Variants in IRAG2 observed in about 807,000 individuals in gnomAD.
IRAG2 encodes the protein inositol 1,4,5-triphosphate receptor associated 2.
A neutral mutation model predicts 69.9 loss-of-function variants in IRAG2; 45 were observed. The ratio of observed to expected loss-of-function variants is 0.64; its 90% CI spans 0.51 to 0.83. The LOEUF (loss-of-function observed/expected upper bound fraction) is 0.83, where lower values mean the gene tolerates loss of function less well. Ranked by LOEUF, IRAG2 falls within the 40% of genes least tolerant of loss-of-function variation. The pLI, the probability that IRAG2 is intolerant of heterozygous loss-of-function variation, is 0.00. For missense variants in IRAG2, 520 were observed against 587.0 expected, an observed-to-expected ratio of 0.89 and a Z score of 1.18; for synonymous variants, 193 against 202.4, an observed-to-expected ratio of 0.95 and a Z score of 0.40.
At position 25,043,613 on chromosome 12, in the gene IRAG2, G is replaced by C. The variant is rs150416217; in HGVS notation, c.2144+5476G>C. Among the ~76,000 whole-genome samples the C allele has an allele frequency of 3.0e-3, 450 of 152,064 alleles. 1 individual carries two copies. The highest frequency in any genetic ancestry group is 4.2e-3 in the South Asian group (20 of 4,804). ...AATTGGCTTCTGTCTTACCTGTCTC[G>C]GAGTACTATGAGATGCATCATGCTC... On this transcript the variant is annotated intron_variant, in intron 16 of 38. Transcript: ENST00000636465.
intron 2 of IRAG2, among the ~76,000 whole-genome samples, chr12:25,009,151 T>A (rs1944455429): frequency 6.6e-6 from 1 of 151,922 alleles, no homozygotes; most frequent in Non-Finnish European, 1.5e-5. Flanking sequence ...AAAAATATTT[T>A]AAAAATTAGC....
chr12:25,067,070 A>G (rs1377166200), intron 5 of IRAG2, among the ~76,000 whole-genome samples: 1 of 152,202 alleles, frequency 6.6e-6, no homozygotes, highest in Non-Finnish European at 1.5e-5. Context: ...ACTACCTAAA[A>G]TGTTTCCACT....
chr12:25,108,296 T>C lies in IRAG2; in HGVS notation c.*236T>C. 1.8e-6 allele frequency: 1 copy of C among 548,772 alleles called. No homozygotes were observed. Among genetic ancestry groups the C allele is most frequent in the Non-Finnish European group, 3.1e-6 (1 of 322,392 alleles). The allele number at this position is 548,772 out of a possible 1,614,324, so 34.0% of individuals were successfully genotyped here. On this transcript the variant is annotated 3_prime_UTR_variant, in exon 22 of 22. Coordinates refer to ENST00000556887, the MANE Select transcript of IRAG2 (RefSeq NM_001366544.2). ...TAAGGAAGAAATATTATATATTGTT[T>C]GTTAAAGTTTATTGAAATAAAGAAT...
intron 6 of IRAG2, among the ~76,000 whole-genome samples, chr12:25,078,631 C>T (rs538791329): frequency 1.3e-5 from 2 of 152,242 alleles, no homozygotes; most frequent in South Asian, 2.1e-4. Context: ...CCTAAAGTTA[C>T]CCCCAAAATA....
the IRAG2 span, among the ~76,000 whole-genome samples, chr12:24,998,719 T>G: frequency 6.6e-6 from 1 of 152,206 alleles, no homozygotes; most frequent in Non-Finnish European, 1.5e-5. Flanking sequence ...TTAAGGATTT[T>G]GCATTAATTA....
chr12:25,099,652 G>A (rs1948629242), intron 15 of IRAG2, among the ~76,000 whole-genome samples: 1 of 152,056 alleles, frequency 6.6e-6, no homozygotes, highest in Non-Finnish European at 1.5e-5. Context: ...TTTTGGTTCA[G>A]CGTCCTAAAG....
rs182743375 is a variant in IRAG2 at position 25,085,020 on chromosome 12, C to T, written c.315+1527C>T. Among the ~76,000 whole-genome samples, 19 of 152,362 alleles carry T rather than the reference C, an allele frequency of 1.2e-4. No individual in the cohort carries two copies. The South Asian group carries it at 1.7e-3, about 13-fold the overall frequency. ...CAGCAGCTGCAGAGGCCAGGGCAAG[C>T]GCTTTTGGGCTCTGCCCCCTGGCAG... On this transcript the variant is annotated intron_variant, in intron 10 of 21. Coordinates refer to ENST00000556887, the MANE Select transcript of IRAG2 (RefSeq NM_001366544.2).
chr12:25,031,489 T>A (rs529257722), intron 10 of IRAG2, among the ~76,000 whole-genome samples: 5 of 152,216 alleles, frequency 3.3e-5, no homozygotes, highest in Non-Finnish European at 7.3e-5. Flanking sequence ...CTTTATTTCA[T>A]TGGTCACTTG....
intron 9 of IRAG2, among the ~76,000 whole-genome samples, chr12:25,029,263 G>A (rs1482668391): frequency 6.6e-6 from 1 of 152,138 alleles, no homozygotes; most frequent in Non-Finnish European, 1.5e-5. Flanking sequence ...TCTACACTAG[G>A]AGTGGCTGTC....
intron 6 of IRAG2, among the ~76,000 whole-genome samples, chr12:25,069,693 A>C (rs1946202759): frequency 6.6e-6 from 1 of 152,304 alleles, no homozygotes; most frequent in East Asian, 1.9e-4. Context: ...AGAGATTTCA[A>C]TGAAGTGAGC....
intron 11 of IRAG2, among the ~76,000 whole-genome samples, chr12:25,088,909 T>TA (rs1013974407): frequency 4.6e-5 from 7 of 151,626 alleles, no homozygotes; most frequent in Admixed American, 2.6e-4. Context: ...GTTACTATTA[T>TA]AAAAAAATCA....
At chr12:25,010,819 G>A (rs953165118) in intron 2 of IRAG2, among the ~76,000 whole-genome samples, 1 of 152,058 alleles carries the variant, frequency 6.6e-6, no homozygotes, top group African/African-American at 2.4e-5. Context: ...AAAAAGATTG[G>A]TGTGTCAATG....
intron 10 of IRAG2, among the ~76,000 whole-genome samples, chr12:25,085,223 G>A (rs893602002): frequency 6.6e-6 from 1 of 152,256 alleles, no homozygotes; most frequent in African/African-American, 2.4e-5. Context: ...GTCGCTCAGT[G>A]TCCCAAAAGA....
At chr12:25,007,538 T>C (rs1944441879) in intron 2 of IRAG2, among the ~76,000 whole-genome samples, 2 of 152,208 alleles carry the variant, frequency 1.3e-5, no homozygotes, top group Non-Finnish European at 2.9e-5. Flanking sequence ...ATTGATTGAT[T>C]GAGACAGAGT....
At chr12:25,053,131 T>C (rs1591945424) in intron 1 of IRAG2, among the ~76,000 whole-genome samples, 175 bp downstream of exon 1, 1 of 152,234 alleles carries the variant, frequency 6.6e-6, no homozygotes, top group Non-Finnish European at 1.5e-5. Flanking sequence ...AGTGGCTAGG[T>C]GCATGCATGG....
In IRAG2 at chr12:25,023,845, T is replaced by C. The variant is rs561767942; in HGVS notation, c.1333-26T>C. 7 of 1,159,396 alleles carry C rather than the reference T, an allele frequency of 6.0e-6. No homozygotes were observed. The African/African-American group carries it at 7.9e-5, about 13-fold the overall frequency. The allele number at this position is 1,159,396 out of a possible 1,614,324, so 71.8% of individuals were successfully genotyped here. The stretch of plus-strand genomic sequence containing the variant: ...TTTCATAAACATCTTAAATATATTT[T>C]AATTATTTTTCTCACAATGAATTAG... On this transcript the variant is annotated intron_variant, in intron 7 of 38. Transcript: ENST00000636465.
chr12:25,036,023 T>C (rs1944699642), intron 14 of IRAG2, among the ~76,000 whole-genome samples: 1 of 152,202 alleles, frequency 6.6e-6, no homozygotes, highest in African/African-American at 2.4e-5. Flanking sequence ...AGGTTATTTT[T>C]TCCTGTGAGC....
At chr12:25,077,285 TG>T in intron 6 of IRAG2, among the ~76,000 whole-genome samples, 1 of 47,044 alleles carries the variant, frequency 2.1e-5, no homozygotes, top group Non-Finnish European at 4.5e-5. Flanking sequence ...GAAATATATA[TG>T]ATATATATAT....
chr12:25,013,883 T>C (rs1944498909), intron 3 of IRAG2, among the ~76,000 whole-genome samples: 1 of 132,516 alleles, frequency 7.5e-6, no homozygotes, highest in African/African-American at 2.8e-5. Context: ...TTTTTTTTTT[T>C]TTTTTTTTTG....
Sources: allele counts gnomAD v4.1 joint callset (sites outside exome capture counted in the v4.1 genomes callset), GRCh38; gene constraint gnomAD v4.1.1; transcripts MANE v1.5; gene names NCBI Gene and HGNC (gene_info 2026-07-23, HGNC 2026-07-21).